Variants in MVB12B observed in about 807,000 individuals in gnomAD.
The protein encoded by MVB12B is multivesicular body subunit 12B.
Under a neutral mutation model 41.6 loss-of-function variants are expected in MVB12B, and 16 were observed. The ratio of observed to expected loss-of-function variants is 0.38; its 90% CI spans 0.26 to 0.58. The LOEUF (loss-of-function observed/expected upper bound fraction) is 0.58, where lower values mean the gene tolerates loss of function less well. Among genes scored for constraint, MVB12B ranks in the 20% least tolerant of loss-of-function variants. The pLI, the probability that MVB12B is intolerant of heterozygous loss-of-function variation, is 0.62. For synonymous variants in MVB12B, 133 were observed against 139.7 expected (o/e 0.95, Z 0.34); for missense variants, 274 against 380.2 (o/e 0.72, Z 2.32).
intron 7 of MVB12B, among the ~76,000 whole-genome samples, chr9:126,462,548 A>G (rs1301181822): frequency 1.3e-5 from 2 of 152,246 alleles, no homozygotes. Context: ...GTAGAAAGGA[A>G]CAAGTGCTTA....
Position 126,392,373 on chromosome 9 carries a change from G to A in MVB12B, c.539+178G>A, listed in dbSNP as rs998729012. On this transcript the variant is annotated intron_variant, in intron 5 of 9. Transcript: ENST00000361171. This position sits in a 1 kb window ranked among gnomAD's most constrained non-coding sequence, Gnocchi z 4.8. ...TCAGCTGCGGTCTCTCTGAGCCTCG[G>A]CTCGCACTGCTGACTCCACCTTAGG... 6.6e-6 allele frequency among the ~76,000 whole-genome samples: 1 copy of A among 152,188 alleles called. No homozygotes were observed. The highest frequency in any genetic ancestry group is 1.5e-5 in the Non-Finnish European group (1 of 68,040).
At chr9:126,499,947 G>A (rs970775712) in intron 9 of MVB12B, among the ~76,000 whole-genome samples, 3 of 151,816 alleles carry the variant, frequency 2.0e-5, no homozygotes, top group Non-Finnish European at 2.9e-5. Flanking sequence ...CCCACTCCTG[G>A]CCACAGAGAC....
intron 2 of MVB12B, among the ~76,000 whole-genome samples, chr9:126,374,280 C>G (rs1190924481): frequency 6.6e-6 from 1 of 152,224 alleles, no homozygotes; most frequent in Non-Finnish European, 1.5e-5. Context: ...AACTGTCTCC[C>G]AGGCCTCCGG....
intron 1 of MVB12B, among the ~76,000 whole-genome samples, chr9:126,328,569 T>C (rs1472727926): frequency 6.6e-6 from 1 of 152,186 alleles, no homozygotes; most frequent in Non-Finnish European, 1.5e-5. Context: ...GAGTTTCAGT[T>C]TCCTCATCTG....
intron 2 of MVB12B, among the ~76,000 whole-genome samples, chr9:126,372,861 T>A (rs1830378104): frequency 6.6e-6 from 1 of 152,038 alleles, no homozygotes. Flanking sequence ...AATAATGAGA[T>A]CATTTCAACA....
At chr9:126,499,261 GCCTCCAGGACCCCTGGCAGAA>G (rs1833900865) in intron 9 of MVB12B, among the ~76,000 whole-genome samples, 1 of 151,980 alleles carries the variant, frequency 6.6e-6, no homozygotes, top group Non-Finnish European at 1.5e-5. Flanking sequence ...CCCTGGCAGA[GCCTCCAGGACCCCTGGCAGAA>G]CCCCTGACAG....
chr9:126,428,623 T>A (rs1443379616), intron 7 of MVB12B, among the ~76,000 whole-genome samples: 1 of 152,214 alleles, frequency 6.6e-6, no homozygotes, highest in Non-Finnish European at 1.5e-5. Flanking sequence ...TGAGAAGCGC[T>A]GTTCTCTCCT....
chr9:126,438,549 C>T (rs1490234881), intron 7 of MVB12B, among the ~76,000 whole-genome samples: 6 of 152,262 alleles, frequency 3.9e-5, no homozygotes, highest in East Asian at 1.9e-4. Context: ...GGCTGATCCT[C>T]GTCCAGGTTC....
rs930404692 is a variant in MVB12B, at chr9:126,367,533, C to G, written c.205-13531C>G. On this transcript the variant is annotated intron_variant, in intron 2 of 9. Transcript: ENST00000361171. The surrounding 1 kb of genome is among the most constrained non-coding windows in gnomAD (Gnocchi z 4.3). ...TTATGATGCATCCCACCTGAAGATG[C>G]CTTTGGTTCTGTTTATCCTCCCAGC... Among the ~76,000 whole-genome samples, 7 of 152,186 alleles carry G rather than the reference C, an allele frequency of 4.6e-5. No individual in the cohort carries two copies. Among genetic ancestry groups the G allele is most frequent in the Non-Finnish European group, 7.3e-5 (5 of 68,034 alleles).
At chr9:126,405,107 G>A (rs1194436243) in intron 6 of MVB12B, among the ~76,000 whole-genome samples, 6 of 152,080 alleles carry the variant, frequency 3.9e-5, no homozygotes, top group East Asian at 3.9e-4. Context: ...CTCCCGCTTC[G>A]GAGCTGGCCT....
At chr9:126,336,909 G>A (rs1433083650) in intron 1 of MVB12B, among the ~76,000 whole-genome samples, 2 of 152,146 alleles carry the variant, frequency 1.3e-5, no homozygotes, top group Admixed American at 6.5e-5. Context: ...AGGTCAGAAT[G>A]GAACCATCTG....
intron 7 of MVB12B, among the ~76,000 whole-genome samples, chr9:126,438,127 TATG>T (rs1260868687): frequency 6.6e-6 from 1 of 152,236 alleles, no homozygotes; most frequent in Non-Finnish European, 1.5e-5. Flanking sequence ...AAAATTGTAT[TATG>T]AAGTAGTTCC....
At position 126,503,500 on chromosome 9, in the gene MVB12B, T is replaced by G; in HGVS notation, c.*237T>G. Reference sequence around the variant, plus strand: ...CATGACTAATCTGTGTGTGCTGTAGTGACCAGCGGCTCCTAACGTGTCTGT... The same window carrying G: ...CATGACTAATCTGTGTGTGCTGTAGGGACCAGCGGCTCCTAACGTGTCTGT... On this transcript the variant is annotated 3_prime_UTR_variant, in exon 10 of 10. Transcript: ENST00000361171. The G allele has an allele frequency of 1.8e-6, 1 of 559,158 alleles. No individual in the cohort carries two copies. 34.6% of individuals were successfully genotyped at this position (559,158 alleles called of 1,614,324 possible).
At chr9:126,329,236 C>G (rs1829062816) in intron 1 of MVB12B, among the ~76,000 whole-genome samples, 1 of 152,174 alleles carries the variant, frequency 6.6e-6, no homozygotes. Flanking sequence ...ATCCCCATTT[C>G]TGTAATGTAA....
At chr9:126,341,305 G>A (rs10760426) in intron 2 of MVB12B, among the ~76,000 whole-genome samples, 44,979 of 152,114 alleles carry the variant, frequency 0.3, 6,767 homozygotes, top group Non-Finnish European at 0.32. Context: ...TGGTTATGTT[G>A]TTGTTTCAGT....
Position 126,473,177 on chromosome 9 carries a change from C to T in MVB12B, c.758-8192C>T, listed in dbSNP as rs1833351596. 6.6e-6 allele frequency among the ~76,000 whole-genome samples: 1 copy of T among 152,188 alleles called. No individual in the cohort carries two copies. The highest frequency in any genetic ancestry group is 6.5e-5 in the Admixed American group (1 of 15,278). On this transcript the variant is annotated intron_variant, in intron 7 of 9. Transcript: ENST00000361171. The surrounding 1 kb of genome is among the most constrained non-coding windows in gnomAD (Gnocchi z 4.0). ...CAGCTGTAGTATTATGCCCACCTTA[C>T]AGACAGGGCAAGTAAGGCTCAGAGA...
chr9:126,488,357 AAAAAAAAAT>A (rs1214100241), intron 9 of MVB12B, among the ~76,000 whole-genome samples: 3 of 149,380 alleles, frequency 2.0e-5, no homozygotes, highest in East Asian at 2.3e-4. Flanking sequence ...AAAAAAAAAA[AAAAAAAAAT>A]AGAGTAAATA....
intron 7 of MVB12B, among the ~76,000 whole-genome samples, chr9:126,442,097 G>C (rs1246286520): frequency 6.6e-6 from 1 of 152,196 alleles, no homozygotes; most frequent in East Asian, 1.9e-4. Flanking sequence ...CCTTGAATCT[G>C]AGATGTACTT....
At position 126,481,383 on chromosome 9, in the gene MVB12B, C is replaced by A; in HGVS notation, c.772C>A (p.Pro258Thr). The A allele has an allele frequency of 6.2e-7, 1 of 1,613,650 alleles. No individual in the cohort carries two copies. The highest frequency in any genetic ancestry group is 8.5e-7 in the Non-Finnish European group (1 of 1,179,698). ...LYAISAMDGV[P>T]FMISEKFSCV... is the part of the protein sequence containing the mutation. ...TTCTTTTGCAGCAATGGATGGTGTG[C>A]CTTTTATGATTTCAGAGAAGTTTTC... Residue 258 changes from proline to threonine, a missense_variant, in exon 8 of 10, where the codon CCT becomes ACT. Physicochemically the swap from Pro to Thr is conservative, Grantham distance 38 (BLOSUM62 -1). Transcript: ENST00000361171.
Sources: allele counts gnomAD v4.1 joint callset (sites outside exome capture counted in the v4.1 genomes callset), GRCh38; gene constraint gnomAD v4.1.1; non-coding constraint Gnocchi (gnomAD v3.1); transcripts MANE v1.5; gene names NCBI Gene and HGNC (gene_info 2026-07-23, HGNC 2026-07-21).